Variants in ADAMTSL4 observed in about 807,000 individuals in gnomAD.
ADAMTSL4 encodes the protein ADAMTS-like protein 4.
A neutral mutation model predicts 122.8 loss-of-function variants in ADAMTSL4; 97 were observed. The observed-to-expected ratio is 0.79, with a 90% CI of 0.67 to 0.93. The LOEUF (loss-of-function observed/expected upper bound fraction) is 0.93. ADAMTSL4 is among the 40% of genes least tolerant of loss of function. The pLI is 0.00. For missense variants in ADAMTSL4, 1,408 were observed against 1,453.5 expected, an observed-to-expected ratio of 0.97 and a Z score of 0.51; for synonymous variants, 592 against 568.0, an observed-to-expected ratio of 1.04 and a Z score of -0.60.
Position 150,552,280 on chromosome 1 carries a change from G to T in ADAMTSL4, c.-9G>T, listed in dbSNP as rs371209743. 2.6e-6 allele frequency: 4 copies of T among 1,553,706 alleles called. No individual in the cohort carries two copies. The Admixed American group carries it at 5.9e-5, about 23-fold the overall frequency. On this transcript the variant is annotated 5_prime_UTR_variant, in exon 3 of 19. The change creates a new upstream start codon in the 5' untranslated region. Coordinates refer to ENST00000271643, the MANE Select transcript of ADAMTSL4 (RefSeq NM_019032.6). This position sits in a 1 kb window ranked among gnomAD's most constrained non-coding sequence, Gnocchi z 4.0. ...TCCTGCCTCCCCCTGGGGCAGTAGA[G>T]GGGGAGCGATGGAGAACTGGACTGG... is the stretch of plus-strand genomic sequence containing the variant.
In ADAMTSL4 at chr1:150,559,069, G is replaced by A. The variant is rs751620694; in HGVS notation, c.2667G>A (p.Gln889=). The A allele has an allele frequency of 1.4e-5, 22 of 1,612,714 alleles. No individual in the cohort carries two copies. The highest frequency in any genetic ancestry group is 6.6e-5 in the South Asian group (6 of 91,050). ...GGGAAGCAGGAGCAGGAACTGGGCA[G>A]AGCTGTCCAACAGGAAGCCGGCCCC... is the stretch of plus-strand genomic sequence containing the variant. ...GQGEAGAGTG[Q]SCPTGSRPPD... The change falls in exon 16 of 19, where the codon CAG becomes CAA. Residue 889 remains glutamine, a synonymous_variant. Transcript: ENST00000271643. This position sits in a 1 kb window ranked among gnomAD's most constrained non-coding sequence, Gnocchi z 4.1.
Position 150,555,315 on chromosome 1 carries a change from A to C in ADAMTSL4, c.1235-114A>C, listed in dbSNP as rs972677770. ...GACCACCTCAGCTTGTGCTGTTGTC[A>C]CATTTCCTTCATCCACAGTGACCTG... On this transcript the variant is annotated intron_variant, in intron 7 of 18. Transcript: ENST00000271643. 6 of 1,368,404 alleles carry C rather than the reference A, an allele frequency of 4.4e-6. No individual in the cohort carries two copies. The African/African-American group carries it at 7.2e-5, about 16-fold the overall frequency. The allele number at this position is 1,368,404 out of a possible 1,614,324, so 84.8% of individuals were successfully genotyped here.
In ADAMTSL4 at chr1:150,557,938, C is replaced by T; in HGVS notation, c.2178-7C>T. On this transcript the variant is annotated splice_polypyrimidine_tract_variant and splice_region_variant and intron_variant, in intron 13 of 18. Transcript: ENST00000271643. ...CCGCCTCTTCCCTGCCCTGCTGGTG[C>T]CTGCAGCTGGGAGGCTGGCGAGTGG... 1 of 1,604,410 alleles carries T rather than the reference C, an allele frequency of 6.2e-7. No individual in the cohort carries two copies.
Position 150,554,631 on chromosome 1 carries a change from G to C in ADAMTSL4, c.1234+164G>C. 1 of 1,542,864 alleles carries C rather than the reference G, an allele frequency of 6.5e-7. No individual in the cohort carries two copies. Among genetic ancestry groups the C allele is most frequent in the Non-Finnish European group, 8.7e-7 (1 of 1,146,972 alleles). Reference sequence around the variant, plus strand: ...TGGGGCTGGGTCAGGAGACAGCACAGGTGGTGAGTGGTCTGCAGAAGGGTC... The same window carrying C: ...TGGGGCTGGGTCAGGAGACAGCACACGTGGTGAGTGGTCTGCAGAAGGGTC... On this transcript the variant is annotated intron_variant, in intron 7 of 18. Coordinates refer to ENST00000271643, the MANE Select transcript of ADAMTSL4 (RefSeq NM_019032.6). The surrounding 1 kb of genome is among the most constrained non-coding windows in gnomAD (Gnocchi z 4.0).
At position 150,551,202 on chromosome 1, in the gene ADAMTSL4, G is replaced by A. The variant is rs1001566564; in HGVS notation, c.-84-1003G>A. 43 of 353,846 alleles carry A rather than the reference G, an allele frequency of 1.2e-4. 2 individuals carry two copies. The highest frequency in any genetic ancestry group is 3.9e-5 in the Non-Finnish European group (7 of 178,496). The allele number at this position is 353,846 out of a possible 1,614,324, so 21.9% of individuals were successfully genotyped here. A position where few individuals can be genotyped will look rare whatever the true frequency, so the allele number is the denominator to read the frequency against. ...TGTGGCTGGGGCATGAGGCAGCCCCGGCTGCACCTCTCCTTCCCGCTTCCC... is the reference window on the plus strand; with the variant it reads ...TGTGGCTGGGGCATGAGGCAGCCCCAGCTGCACCTCTCCTTCCCGCTTCCC... On this transcript the variant is annotated intron_variant, in intron 2 of 18. Coordinates refer to ENST00000271643, the MANE Select transcript of ADAMTSL4 (RefSeq NM_019032.6).
rs767817205 is a variant in ADAMTSL4, at chr1:150,553,964, G to T, written c.973G>T (p.Gly325Trp). The change falls in exon 6 of 19, where the codon GGG becomes TGG. Residue 325 changes from glycine (G) to tryptophan (W), a missense_variant. Gly to Trp is a radical substitution (Grantham distance 184, BLOSUM62 -2). Coordinates refer to ENST00000271643, the MANE Select transcript of ADAMTSL4 (RefSeq NM_019032.6). ...TTGGGGAACGGGGGGGACTCCTCAC[G>T]GGCCCCGCCTGGAGCCTGACCCTCA... is the stretch of plus-strand genomic sequence containing the variant. ...GPWGTGGTPH[G>W]PRLEPDPQHP... 1.2e-6 allele frequency: 2 copies of T among 1,610,276 alleles called. No individual in the cohort carries two copies. The highest frequency in any genetic ancestry group is 4.5e-5 in the East Asian group (2 of 44,800).
Position 150,553,913 on chromosome 1 carries a change from G to C in ADAMTSL4, c.922G>C (p.Gly308Arg). Residue 308 changes from glycine to arginine, a missense_variant, in exon 6 of 19, where the codon GGC becomes CGC. Coordinates refer to ENST00000271643, the MANE Select transcript of ADAMTSL4 (RefSeq NM_019032.6). ...RPDPFPSVPR[G>R]RGQQGQGPWG... is the part of the protein sequence containing the mutation. ...TGATCCTTTTCCTTCGGTCCCTCGG[G>C]GCCGAGGCCAGCAGGGCCAAGGGCC... is the stretch of plus-strand genomic sequence containing the variant. 6.2e-7 allele frequency: 1 copy of C among 1,612,282 alleles called. No individual in the cohort carries two copies. The highest frequency in any genetic ancestry group is 8.5e-7 in the Non-Finnish European group (1 of 1,179,390).
rs1671458626 is a variant in ADAMTSL4 at position 150,552,012 on chromosome 1, TG to T, written c.-84-191del. 1 of 504,384 alleles carries T rather than the reference TG, an allele frequency of 2.0e-6. No individual in the cohort carries two copies. Among genetic ancestry groups the T allele is most frequent in the South Asian group, 3.4e-5 (1 of 28,998 alleles). The allele number at this position is 504,384 out of a possible 1,614,324, so 31.2% of individuals were successfully genotyped here. On this transcript the variant is annotated intron_variant, in intron 2 of 18. Coordinates refer to ENST00000271643, the MANE Select transcript of ADAMTSL4 (RefSeq NM_019032.6). The surrounding 1 kb of genome is among the most constrained non-coding windows in gnomAD (Gnocchi z 4.0). ...CCAGAGGTGGGGACTGAGCCTTAGT[TG>T]GAGGGCTGAGGTCAGCCCCTGACCA...
chr1:150,559,183 T>C lies in ADAMTSL4; in HGVS notation c.2763+18T>C. ...GGGGTGAGGTAAGCTGAGCGCCTGC[T>C]GAGAGCAGGAAGGGGGTGCCAGTCC... On this transcript the variant is annotated intron_variant, in intron 16 of 18. Coordinates refer to ENST00000271643, the MANE Select transcript of ADAMTSL4 (RefSeq NM_019032.6). The surrounding 1 kb of genome is among the most constrained non-coding windows in gnomAD (Gnocchi z 4.1). 1.2e-6 allele frequency: 2 copies of C among 1,612,194 alleles called. No individual in the cohort carries two copies. Among genetic ancestry groups the C allele is most frequent in the Non-Finnish European group, 1.7e-6 (2 of 1,179,388 alleles).
intron 2 of ADAMTSL4, chr1:150,550,104 C>T (rs1251889720): frequency 2.5e-6 from 1 of 401,124 alleles, no homozygotes; most frequent in Non-Finnish European, 5.0e-6. Flanking sequence ...AGGGGTGAGC[C>T]CTGCGCAGGT....
chr1:150,550,459 C>T (rs1056269978), intron 2 of ADAMTSL4, among the ~76,000 whole-genome samples: 1 of 152,004 alleles, frequency 6.6e-6, no homozygotes, highest in Admixed American at 6.6e-5. Flanking sequence ...AAACCCAGCT[C>T]GGGATGGGAT....
At chr1:150,550,359 G>GGGGGGC in intron 2 of ADAMTSL4, 2 of 433,698 alleles carry the variant, frequency 4.6e-6, no homozygotes, top group Non-Finnish European at 4.6e-6. Context: ...GGTGGGGTGG[G>GGGGGGC]ACTTTTCCAG....
Position 150,553,091 on chromosome 1 carries a change from A to G in ADAMTSL4, c.272A>G (p.His91Arg), listed in dbSNP as rs754709263. 11 of 1,612,648 alleles carry G rather than the reference A, an allele frequency of 6.8e-6. No homozygotes were observed. The highest frequency in any genetic ancestry group is 9.3e-6 in the Non-Finnish European group (11 of 1,179,570). The change falls in exon 5 of 19, where the codon CAT becomes CGT. Residue 91 changes from histidine to arginine, a missense_variant. Physicochemically the swap from His to Arg is conservative, Grantham distance 29 (BLOSUM62 0). Transcript: ENST00000271643. The stretch of plus-strand genomic sequence containing the variant: ...CCCCTCCCTCCCCGGCCCCCAAGAC[A>G]TCCAGAAGCCCTCCTCCCCCGGGGC... ...SLPLPPRPPR[H>R]PEALLPRGQG...
Position 150,556,654 on chromosome 1 carries a change from A to T in ADAMTSL4, c.1610A>T (p.Asn537Ile). The stretch of plus-strand genomic sequence containing the variant: ...GGCCCTGGGGGCCGGTCCATCATCA[A>T]TGGGAACTGGGCTGTGGATCCCCCT... ...LRGPGGRSII[N>I]GNWAVDPPGS... is the part of the protein sequence containing the mutation. The change falls in exon 10 of 19, where the codon AAT (asparagine) becomes ATT (isoleucine). Residue 537 changes from asparagine to isoleucine, a missense_variant. Asn to Ile is a moderately radical substitution (Grantham distance 149). Coordinates refer to ENST00000271643, the MANE Select transcript of ADAMTSL4 (RefSeq NM_019032.6). The surrounding 1 kb of genome is among the most constrained non-coding windows in gnomAD (Gnocchi z 4.1). 6.2e-7 allele frequency: 1 copy of T among 1,613,988 alleles called. No homozygotes were observed.
chr1:150,551,177 T>G, intron 2 of ADAMTSL4: 1 of 361,994 alleles, frequency 2.8e-6, no homozygotes, highest in South Asian at 2.0e-5. Context: ...ATGAGAGGCC[T>G]GTGGCTGGGG....
Position 150,553,727 on chromosome 1 carries a change from C to A in ADAMTSL4, c.736C>A (p.Pro246Thr), listed in dbSNP as rs752551862. 1.2e-5 allele frequency: 19 copies of A among 1,613,176 alleles called. No individual in the cohort carries two copies. Among genetic ancestry groups the A allele is most frequent in the Non-Finnish European group, 1.6e-5 (19 of 1,179,688 alleles). ...AQTEVAPRTR[P>T]APLRHHPRAQ... is the part of the protein sequence containing the mutation. ...GACAGAGGTGGCCCCCAGAACCAGG[C>A]CTGCCCCCCTACGGCATCACCCCAG... is the stretch of plus-strand genomic sequence containing the variant. The change falls in exon 6 of 19, where the codon CCT (proline) becomes ACT (threonine). Residue 246 changes from proline (P) to threonine (T), a missense_variant. Physicochemically the swap from Pro to Thr is conservative, Grantham distance 38. Transcript: ENST00000271643.
At chr1:150,551,480 C>T in intron 2 of ADAMTSL4, 1 of 172,312 alleles carries the variant, frequency 5.8e-6, no homozygotes. Flanking sequence ...CTGGAAGACC[C>T]AAGGAAGGGG....
chr1:150,557,464 G>C (rs375174522), intron 12 of ADAMTSL4, 30 bp from the exon 13 acceptor site: 2 of 1,612,956 alleles, frequency 1.2e-6, no homozygotes, highest in African/African-American at 1.3e-5. Context: ...CTAGCCTCCT[G>C]CCTCCCTGGC....
chr1:150,551,911 T>G, intron 2 of ADAMTSL4: 5 of 245,322 alleles, frequency 2.0e-5, no homozygotes, highest in Admixed American at 5.3e-5. Context: ...AAAAAAGCCT[T>G]TTGTGTGTGC....
Sources: allele counts gnomAD v4.1 joint callset (sites outside exome capture counted in the v4.1 genomes callset), GRCh38; gene constraint gnomAD v4.1.1; non-coding constraint Gnocchi (gnomAD v3.1); transcripts MANE v1.5; gene names NCBI Gene and HGNC (gene_info 2026-07-23, HGNC 2026-07-21).